The following SVEP1 variants were observed in gnomAD, a reference collection of about 807,000 sequenced individuals.
SVEP1 encodes the protein sushi, von Willebrand factor type A, EGF and pentraxin domain containing 1, also known as sushi, von Willebrand factor type A, EGF and pentraxin domain-containing protein 1.
Under a neutral mutation model 367.3 loss-of-function variants are expected in SVEP1, and 164 were observed. The ratio of observed to expected loss-of-function variants is 0.45; its 90% CI spans 0.39 to 0.51. SVEP1 has a LOEUF of 0.51. SVEP1 is among the 20% of genes least tolerant of loss of function. SVEP1 has a pLI of 0.00. For synonymous variants in SVEP1, 1,666 were observed against 1,611.6 expected (o/e 1.03, Z -0.81); for missense variants, 4,117 against 4,425.3 (o/e 0.93, Z 1.98).
chr9:110,384,081 C>T (rs931149854), intron 43 of SVEP1, among the ~76,000 whole-genome samples: 2 of 152,172 alleles, frequency 1.3e-5, no homozygotes, highest in African/African-American at 4.8e-5. Flanking sequence ...TCCGATAACT[C>T]AGTAGTCTTA....
chr9:110,498,862 A>G (rs1256375651), intron 7 of SVEP1, among the ~76,000 whole-genome samples, 179 bp downstream of exon 7: 1 of 152,114 alleles, frequency 6.6e-6, no homozygotes, highest in East Asian at 1.9e-4. Flanking sequence ...GCATTTTGTA[A>G]TCAGATTTTG....
At chr9:110,439,143 A>T (rs1310481833) in intron 27 of SVEP1, among the ~76,000 whole-genome samples, 2 of 152,150 alleles carry the variant, frequency 1.3e-5, no homozygotes, top group Non-Finnish European at 2.9e-5. Flanking sequence ...TGATATTTAG[A>T]GATGGAGCCT....
chr9:110,404,068 G>T (rs1374969784), intron 39 of SVEP1, among the ~76,000 whole-genome samples: 1 of 151,846 alleles, frequency 6.6e-6, no homozygotes, highest in Non-Finnish European at 1.5e-5. Context: ...TAAGATTTGT[G>T]GTTAATTTGT....
Position 110,523,767 on chromosome 9 carries a change from G to A in SVEP1, c.965-9661C>T, listed in dbSNP as rs114174385. On this transcript the variant is annotated intron_variant, in intron 3 of 47. Transcript: ENST00000374469. ...TGCATTAGAAAAGAAGTCTCAAATC[G>A]ATAATCTAAGTTCCCACCTGAAGAA... Among the ~76,000 whole-genome samples, 701 of 151,918 alleles carry A rather than the reference G, an allele frequency of 4.6e-3. 2 individuals carry two copies. Among genetic ancestry groups the A allele is most frequent in the African/African-American group, 0.016 (663 of 41,484 alleles).
intron 41 of SVEP1, among the ~76,000 whole-genome samples, chr9:110,388,283 A>G (rs1827556679): frequency 6.6e-6 from 1 of 152,202 alleles, no homozygotes; most frequent in Non-Finnish European, 1.5e-5. Context: ...ATGATTTTGC[A>G]TTATTGTGAG....
At chr9:110,478,720 C>T (rs185726504) in intron 13 of SVEP1, among the ~76,000 whole-genome samples, 2 of 152,168 alleles carry the variant, frequency 1.3e-5, no homozygotes, top group East Asian at 3.9e-4. Flanking sequence ...AACGTTTTTA[C>T]CAAGTGTTTT....
At position 110,406,755 on chromosome 9, in the gene SVEP1, A is replaced by C. The variant is rs1424171316; in HGVS notation, c.8845T>G (p.Cys2949Gly). The change falls in exon 38 of 48, where the codon TGT (cysteine) becomes GGT (glycine). Residue 2949 changes from cysteine to glycine, a missense_variant. By Grantham distance (159) the Cys-to-Gly change is radical. Transcript: ENST00000374469. ...AEIPLCKPVN[C>G]GPPEDLAHGF... ...TGGGCAAGATCTTCAGGAGGTCCAC[A>C]GTTGACTGGTTTACAGAGAGGAATC... 6.2e-7 allele frequency: 1 copy of C among 1,614,038 alleles called. No individual in the cohort carries two copies. Among genetic ancestry groups the C allele is most frequent in the South Asian group, 1.1e-5 (1 of 91,082 alleles).
intron 6 of SVEP1, 115 bp from the exon 7 acceptor site, chr9:110,499,353 C>G: frequency 1.1e-6 from 1 of 922,838 alleles, no homozygotes; most frequent in Non-Finnish European, 1.6e-6. Context: ...ACGTAAATTG[C>G]TAAATGATAA....
intron 17 of SVEP1, among the ~76,000 whole-genome samples, 185 bp downstream of exon 17, chr9:110,468,755 G>A (rs1023132767): frequency 5.9e-5 from 9 of 152,192 alleles, no homozygotes; most frequent in African/African-American, 1.9e-4. Context: ...CATTTCTGGA[G>A]GCTCCTATGT....
intron 20 of SVEP1, 41 bp from the exon 21 acceptor site, chr9:110,457,393 C>G (rs180803275): frequency 1.4e-6 from 2 of 1,472,526 alleles, no homozygotes; most frequent in East Asian, 2.3e-5. Context: ...ACAAAGCACT[C>G]TATTTATTTC....
intron 35 of SVEP1, among the ~76,000 whole-genome samples, chr9:110,428,802 G>A (rs546684519): frequency 4.6e-5 from 7 of 152,258 alleles, no homozygotes; most frequent in East Asian, 1.9e-4. Context: ...CAGGCACGGT[G>A]GCTCACACCT....
chr9:110,547,231 G>A (rs1235095264), intron 2 of SVEP1, among the ~76,000 whole-genome samples: 3 of 152,116 alleles, frequency 2.0e-5, no homozygotes, highest in Non-Finnish European at 4.4e-5. Context: ...AGGTACCCTG[G>A]TAAGCTCCTT....
chr9:110,460,819 A>C (rs1828846997), intron 18 of SVEP1, among the ~76,000 whole-genome samples: 1 of 152,048 alleles, frequency 6.6e-6, no homozygotes, highest in East Asian at 1.9e-4. Flanking sequence ...TTATTTTTAC[A>C]ATTTACCATT....
chr9:110,375,432 A>C lies in SVEP1; in HGVS notation c.10536T>G (p.Gly3512=). The C allele has an allele frequency of 7.5e-7, 1 of 1,333,490 alleles. No individual in the cohort carries two copies. The highest frequency in any genetic ancestry group is 1.0e-6 in the Non-Finnish European group (1 of 982,718). 82.6% of individuals were successfully genotyped at this position (1,333,490 alleles called of 1,614,324 possible). A position where few individuals can be genotyped will look rare whatever the true frequency, so the allele number is the denominator to read the frequency against. ...CACACTGGTAAGGGGCCACACAGCG[A>C]CCTCCGTTCAGACAGGGAAGAATGC... ...PICILPCLNG[G]RCVAPYQCDC... is the part of the protein sequence containing the mutation. The change falls in exon 46 of 48, where the codon GGT becomes GGG. Residue 3512 remains glycine (G), a synonymous_variant. Coordinates refer to ENST00000374469, the MANE Select transcript of SVEP1 (RefSeq NM_153366.4).
chr9:110,542,379 C>T (rs1830162484), intron 3 of SVEP1, among the ~76,000 whole-genome samples: 2 of 152,064 alleles, frequency 1.3e-5, no homozygotes, highest in South Asian at 2.1e-4. Flanking sequence ...ACTTCTGGAT[C>T]TAAAAGGGAA....
chr9:110,545,771 T>C lies in SVEP1; in HGVS notation c.964+344A>G, dbSNP rs118073677. Reference sequence around the variant, plus strand: ...GCCTTACAAGCTTCCATTCTTCTTCTTGGAACCCTGCCGTCCCCACCTGAA... The same window carrying C: ...GCCTTACAAGCTTCCATTCTTCTTCCTGGAACCCTGCCGTCCCCACCTGAA... On this transcript the variant is annotated intron_variant, in intron 3 of 47. Coordinates refer to ENST00000374469, the MANE Select transcript of SVEP1 (RefSeq NM_153366.4). Among the ~76,000 whole-genome samples the C allele has an allele frequency of 5.3e-3, 802 of 152,296 alleles. 6 individuals are homozygous for C. The highest frequency in any genetic ancestry group is 8.8e-3 in the Non-Finnish European group (602 of 68,024).
intron 43 of SVEP1, among the ~76,000 whole-genome samples, chr9:110,381,729 C>G (rs527333365): frequency 2.6e-5 from 4 of 152,248 alleles, no homozygotes; most frequent in Admixed American, 6.5e-5. Flanking sequence ...GAGCTGAGTT[C>G]AAGTCCTGAA....
chr9:110,494,922 T>A (rs558765946), intron 8 of SVEP1, among the ~76,000 whole-genome samples: 1 of 152,270 alleles, frequency 6.6e-6, no homozygotes, highest in Non-Finnish European at 1.5e-5. Flanking sequence ...CTCTATAAGT[T>A]TATGATCACA....
chr9:110,432,662 C>G, intron 30 of SVEP1, 27 bp from the exon 31 acceptor site: 1 of 1,579,346 alleles, frequency 6.3e-7, no homozygotes. Flanking sequence ...AAGAAGACAA[C>G]GACATTAAGA....
Sources: allele counts gnomAD v4.1 joint callset (sites outside exome capture counted in the v4.1 genomes callset), GRCh38; gene constraint gnomAD v4.1.1; transcripts MANE v1.5; gene names NCBI Gene and HGNC (gene_info 2026-07-23, HGNC 2026-07-21).